Variants in RAB7B observed in about 807,000 individuals in gnomAD.
RAB7B encodes ras-related protein Rab-7b.
intron 5 of RAB7B, chr1:205,984,239 C>G (rs965156291): frequency 1.4e-4 from 21 of 152,216 alleles, no homozygotes; most frequent in African/African-American, 4.8e-4. Context: ...CAGTGAGGGT[C>G]GGGGGAACCC....
intron 1 of RAB7B, among the ~76,000 whole-genome samples, chr1:205,998,694 C>T (rs1359569453): frequency 1.3e-5 from 2 of 152,190 alleles, no homozygotes; most frequent in East Asian, 1.9e-4. Context: ...GTACGTCTCA[C>T]GTTACAAGCT....
At chr1:205,982,065 G>A (rs924474077) in intron 5 of RAB7B, among the ~76,000 whole-genome samples, 6 of 152,202 alleles carry the variant, frequency 3.9e-5, no homozygotes, top group Non-Finnish European at 8.8e-5. Context: ...CTCTCAGCAG[G>A]TGCCTCACAT....
Position 205,978,704 on chromosome 1 carries a change from A to G in RAB7B, c.*147T>C. ...TGACTCTGGGCCCAGCACCAGGGTC[A>G]AGGGCTCTGCCGCAGAGCTTAGGCC... On this transcript the variant is annotated 3_prime_UTR_variant, in exon 6 of 6. Transcript: ENST00000617070. 2.5e-6 allele frequency: 1 copy of G among 393,494 alleles called. No individual in the cohort carries two copies. Among genetic ancestry groups the G allele is most frequent in the Non-Finnish European group, 4.5e-6 (1 of 223,240 alleles). The allele number at this position is 393,494 out of a possible 1,614,324, so 24.4% of individuals were successfully genotyped here.
chr1:205,982,408 A>G (rs1355478326), intron 5 of RAB7B, among the ~76,000 whole-genome samples: 1 of 152,100 alleles, frequency 6.6e-6, no homozygotes, highest in African/African-American at 2.4e-5. Flanking sequence ...CACCTGGACT[A>G]TTGCAGTAGC....
At chr1:206,000,395 A>G (rs983712187) in intron 1 of RAB7B, among the ~76,000 whole-genome samples, 40 of 152,248 alleles carry the variant, frequency 2.6e-4, no homozygotes, top group Non-Finnish European at 5.0e-4. Flanking sequence ...TGATTTTCAG[A>G]TAGGACAAAT....
chr1:205,985,208 A>G (rs1400303473), intron 5 of RAB7B, among the ~76,000 whole-genome samples: 1 of 152,216 alleles, frequency 6.6e-6, no homozygotes, highest in Non-Finnish European at 1.5e-5. Flanking sequence ...AGATTGGACT[A>G]GACCATCACT....
In RAB7B at chr1:205,994,075, T is replaced by C. The variant is rs1321072634; in HGVS notation, c.53+8A>G. The C allele has an allele frequency of 5.0e-6, 2 of 398,538 alleles. No individual in the cohort carries two copies. Among genetic ancestry groups the C allele is most frequent in the Admixed American group, 8.8e-5 (2 of 22,712 alleles). 24.7% of individuals were successfully genotyped at this position (398,538 alleles called of 1,614,324 possible). On this transcript the variant is annotated splice_region_variant and intron_variant, in intron 2 of 5. Coordinates refer to ENST00000617070, the MANE Select transcript of RAB7B (RefSeq NM_001164522.3). ...GCTTCCCAACTCCCAGAGCTGAGCT[T>C]GGCTTACCCAATGGCTCCGACGATA...
intron 4 of RAB7B, among the ~76,000 whole-genome samples, chr1:205,989,364 C>T (rs1242383181): frequency 1.3e-5 from 2 of 152,116 alleles, no homozygotes; most frequent in African/African-American, 2.4e-5. Context: ...CAAAGATCAC[C>T]CACCCTGGGG....
chr1:205,999,680 G>A (rs899373943), intron 1 of RAB7B, among the ~76,000 whole-genome samples: 3 of 152,182 alleles, frequency 2.0e-5, no homozygotes, highest in Non-Finnish European at 4.4e-5. Context: ...AAGCATTGGG[G>A]TAATCTAACT....
At chr1:205,995,972 G>C (rs1362418395) in intron 1 of RAB7B, among the ~76,000 whole-genome samples, 1 of 152,088 alleles carries the variant, frequency 6.6e-6, no homozygotes, top group Non-Finnish European at 1.5e-5. Context: ...CAAAACAACA[G>C]GTTGTACATG....
chr1:206,000,585 G>A (rs1660876691), intron 1 of RAB7B, among the ~76,000 whole-genome samples: 2 of 152,210 alleles, frequency 1.3e-5, no homozygotes, highest in Admixed American at 6.5e-5. Flanking sequence ...TCCTCTGCAG[G>A]TGACATGTGT....
intron 1 of RAB7B, among the ~76,000 whole-genome samples, chr1:205,996,211 G>A (rs1003244705): frequency 4.7e-5 from 7 of 148,166 alleles, no homozygotes; most frequent in African/African-American, 1.7e-4. Flanking sequence ...AACTGTTGTA[G>A]GATACATGCT....
chr1:205,988,859 C>T (rs1660665292), intron 4 of RAB7B, among the ~76,000 whole-genome samples: 1 of 152,140 alleles, frequency 6.6e-6, no homozygotes. Flanking sequence ...TGTCCACACC[C>T]GGCCAGGGGC....
intron 1 of RAB7B, among the ~76,000 whole-genome samples, chr1:205,997,551 G>A (rs1470278251): frequency 6.6e-6 from 1 of 152,196 alleles, no homozygotes; most frequent in African/African-American, 2.4e-5. Flanking sequence ...TCTGACCAAA[G>A]ATCCTGGCAC....
intron 4 of RAB7B, among the ~76,000 whole-genome samples, chr1:205,987,467 T>C (rs926772272): frequency 6.6e-6 from 1 of 152,262 alleles, no homozygotes; most frequent in African/African-American, 2.4e-5. Flanking sequence ...ATTAGTCCAG[T>C]TGGCATCATT....
intron 1 of RAB7B, among the ~76,000 whole-genome samples, chr1:206,001,822 C>T (rs1313016285): frequency 6.6e-6 from 1 of 152,156 alleles, no homozygotes; most frequent in Non-Finnish European, 1.5e-5. Context: ...TTGCCAAGCC[C>T]CAGTGCCTGG....
intron 5 of RAB7B, among the ~76,000 whole-genome samples, chr1:205,982,237 T>C (rs1660507989): frequency 1.3e-5 from 2 of 152,228 alleles, no homozygotes; most frequent in Non-Finnish European, 2.9e-5. Context: ...GCTCATGGAA[T>C]CACTAATCCA....
intron 4 of RAB7B, among the ~76,000 whole-genome samples, chr1:205,991,151 T>G (rs1660716073): frequency 6.6e-6 from 1 of 152,168 alleles, no homozygotes; most frequent in East Asian, 1.9e-4. Context: ...GCTTCACTCC[T>G]GACAGGGTCT....
At chr1:205,996,087 C>CTTT (rs36183142) in intron 1 of RAB7B, among the ~76,000 whole-genome samples, 2,852 of 138,210 alleles carry the variant, frequency 0.021, 103 homozygotes, top group African/African-American at 0.07. Flanking sequence ...TTAATACATT[C>CTTT]TTTTTTTTTT....
Sources: allele counts gnomAD v4.1 joint callset (sites outside exome capture counted in the v4.1 genomes callset), GRCh38; gene constraint gnomAD v4.1.1; transcripts MANE v1.5; gene names NCBI Gene and HGNC (gene_info 2026-07-23, HGNC 2026-07-21).